Variants in PTPRD observed in about 807,000 individuals in gnomAD.
The protein encoded by PTPRD is protein tyrosine phosphatase receptor type D.
PTPRD carries 34 observed loss-of-function variants against 214.5 expected under a neutral mutation model. The ratio of observed to expected loss-of-function variants is 0.16; its 90% CI spans 0.12 to 0.21. PTPRD has a LOEUF of 0.21. PTPRD is among the 10% of genes least tolerant of loss of function. PTPRD has a pLI of 1.00. For synonymous variants in PTPRD, 1,128 were observed against 845.7 expected, an observed-to-expected ratio of 1.33 and a Z score of -5.79; for missense variants, 2,545 against 2,398.7, an observed-to-expected ratio of 1.06 and a Z score of -1.27.
chr9:8,661,139 G>T (rs1309130340), intron 12 of PTPRD, among the ~76,000 whole-genome samples: 1 of 151,956 alleles, frequency 6.6e-6, no homozygotes, highest in Non-Finnish European at 1.5e-5. Context: ...TTTTTCATAT[G>T]CCAGACCCTT....
intron 8 of PTPRD, among the ~76,000 whole-genome samples, chr9:9,533,685 C>G (rs78095237): frequency 0.013 from 1,900 of 151,922 alleles, 42 homozygotes; most frequent in African/African-American, 0.043. Context: ...CTTATTTGTT[C>G]TTATAAATCC....
intron 39 of PTPRD, among the ~76,000 whole-genome samples, chr9:8,357,832 G>C (rs181282716): frequency 6.6e-6 from 1 of 152,058 alleles, no homozygotes; most frequent in Non-Finnish European, 1.5e-5. Context: ...TACAATGCAA[G>C]CCCCACACTC....
intron 5 of PTPRD, among the ~76,000 whole-genome samples, chr9:9,915,124 T>C (rs555805464): frequency 2.6e-5 from 4 of 152,154 alleles, no homozygotes; most frequent in Non-Finnish European, 5.9e-5. Flanking sequence ...GCCTTTAGCA[T>C]GGGTTAGAGC....
At chr9:9,934,771 C>T (rs111514720) in intron 5 of PTPRD, among the ~76,000 whole-genome samples, 110 of 151,540 alleles carry the variant, frequency 7.3e-4, no homozygotes, top group Non-Finnish European at 1.4e-3. Context: ...GAGACACAAC[C>T]AAAAAAGAGA....
chr9:9,188,238 T>C (rs748102011), intron 9 of PTPRD, among the ~76,000 whole-genome samples: 53 of 152,202 alleles, frequency 3.5e-4, no homozygotes, highest in Non-Finnish European at 2.2e-4. Flanking sequence ...TTGTCAAATA[T>C]CTGAATATAC....
At chr9:8,665,400 A>G (rs892497149) in intron 12 of PTPRD, among the ~76,000 whole-genome samples, 2 of 152,140 alleles carry the variant, frequency 1.3e-5, no homozygotes, top group African/African-American at 2.4e-5. Flanking sequence ...TTTTAATGTA[A>G]TTACTTCAAA....
At chr9:8,693,601 A>G (rs2097852156) in intron 12 of PTPRD, among the ~76,000 whole-genome samples, 1 of 152,180 alleles carries the variant, frequency 6.6e-6, no homozygotes, top group African/African-American at 2.4e-5. Context: ...ACATCAATCA[A>G]CTGTCCATAT....
chr9:8,756,339 T>A (rs2093986283), intron 11 of PTPRD, among the ~76,000 whole-genome samples: 1 of 152,212 alleles, frequency 6.6e-6, no homozygotes, highest in Non-Finnish European at 1.5e-5. Context: ...GAGACTGAAG[T>A]TCCACAAAGA....
chr9:10,403,232 A>ATATATATATG (rs2098302913), intron 2 of PTPRD, among the ~76,000 whole-genome samples: 1 of 117,744 alleles, frequency 8.5e-6, no homozygotes, highest in African/African-American at 3.0e-5. Context: ...GTGTAAATAT[A>ATATATATATG]TATATATATA....
chr9:8,427,106 A>T (rs568714362), intron 35 of PTPRD, among the ~76,000 whole-genome samples: 12 of 152,196 alleles, frequency 7.9e-5, no homozygotes, highest in South Asian at 4.1e-4. Context: ...CAGAACAAAG[A>T]CAGCATGTTC....
At chr9:10,101,127 T>C (rs1263585666) in intron 3 of PTPRD, among the ~76,000 whole-genome samples, 1 of 151,582 alleles carries the variant, frequency 6.6e-6, no homozygotes, top group East Asian at 1.9e-4. Context: ...AAGTTTCTCC[T>C]ATAACACAGG....
chr9:10,602,430 T>C (rs189923262), intron 2 of PTPRD, among the ~76,000 whole-genome samples: 1 of 151,726 alleles, frequency 6.6e-6, no homozygotes. Context: ...TTTAAAAAAA[T>C]TTGATGAATA....
intron 9 of PTPRD, among the ~76,000 whole-genome samples, chr9:9,253,457 A>T (rs1306817898): frequency 6.6e-6 from 1 of 151,986 alleles, no homozygotes; most frequent in African/African-American, 2.4e-5. Flanking sequence ...TGGCATATTC[A>T]TTATGTTGTT....
intron 4 of PTPRD, among the ~76,000 whole-genome samples, chr9:9,973,193 T>C (rs1270269801): frequency 6.6e-6 from 1 of 151,368 alleles, no homozygotes; most frequent in South Asian, 2.1e-4. Flanking sequence ...CTGGGCGCAG[T>C]GGCTCATGCC....
At chr9:9,038,196 A>T (rs1245048489) in intron 10 of PTPRD, among the ~76,000 whole-genome samples, 1 of 152,086 alleles carries the variant, frequency 6.6e-6, no homozygotes, top group African/African-American at 2.4e-5. Context: ...ATCAAAAAAA[A>T]GATTGTGGGT....
At position 8,315,218 on chromosome 9, in the gene PTPRD, A is replaced by G. The variant is rs1821027342; in HGVS notation, c.*2656T>C. The G allele has an allele frequency of 4.3e-6, 1 of 232,756 alleles. No individual in the cohort carries two copies. Among genetic ancestry groups the G allele is most frequent in the African/African-American group, 2.2e-5 (1 of 45,386 alleles). 14.4% of individuals were successfully genotyped at this position (232,756 alleles called of 1,614,324 possible). On this transcript the variant is annotated 3_prime_UTR_variant, in exon 46 of 46. Coordinates refer to ENST00000381196, the MANE Select transcript of PTPRD (RefSeq NM_002839.4). ...GACAGTAAGGGAGTTAGTTCTAGGA[A>G]CAGCTCCTGAACAGTAAGATTCCCG...
intron 21 of PTPRD, among the ~76,000 whole-genome samples, chr9:8,510,046 G>GTTACA (rs1462313689): frequency 6.6e-6 from 1 of 152,112 alleles, no homozygotes; most frequent in Non-Finnish European, 1.5e-5. Context: ...CACTTTGGGA[G>GTTACA]GCCAAGTTGG....
chr9:9,468,872 T>C (rs1048964438), intron 8 of PTPRD, among the ~76,000 whole-genome samples: 2 of 152,174 alleles, frequency 1.3e-5, no homozygotes, highest in African/African-American at 4.8e-5. Flanking sequence ...TATTTAAACC[T>C]ATGATTTTTA....
At chr9:10,122,413 A>G (rs1466079863) in intron 3 of PTPRD, among the ~76,000 whole-genome samples, 1 of 152,348 alleles carries the variant, frequency 6.6e-6, no homozygotes, top group South Asian at 2.1e-4. Context: ...TATTTCAAAT[A>G]GATCTAGAAA....
Sources: gnomAD v4.1 joint callset for allele counts (sites outside exome capture counted in the v4.1 genomes callset) on GRCh38, gnomAD v4.1.1 for gene constraint, MANE v1.5 for transcripts, NCBI Gene and HGNC (gene_info 2026-07-23, HGNC 2026-07-21) for gene names.